The following SUGP1 variants were observed in gnomAD, a reference collection of about 807,000 sequenced individuals.
SUGP1 encodes the protein SURP and G-patch domain-containing protein 1.
In SUGP1, 34 loss-of-function variants were observed where a neutral mutation model predicts 76.5. The ratio of observed to expected loss-of-function variants is 0.44; its 90% CI spans 0.34 to 0.59. SUGP1 has a LOEUF of 0.59. SUGP1 is among the 20% of genes least tolerant of loss of function. The pLI is 0.01. For synonymous variants in SUGP1, 326 were observed against 326.2 expected, an observed-to-expected ratio of 1.00 and a Z score of 0.01; for missense variants, 752 against 851.7, an observed-to-expected ratio of 0.88 and a Z score of 1.46.
intron 8 of SUGP1, among the ~76,000 whole-genome samples, chr19:19,291,614 G>A (rs1253320438): frequency 6.6e-6 from 1 of 152,124 alleles, no homozygotes; most frequent in Non-Finnish European, 1.5e-5. Flanking sequence ...AAGAGGCTGG[G>A]CACGGTGGCT....
chr19:19,313,460 T>C (rs1231864194), intron 2 of SUGP1, among the ~76,000 whole-genome samples: 2 of 152,092 alleles, frequency 1.3e-5, no homozygotes, highest in African/African-American at 2.4e-5. Flanking sequence ...CCTGTAAACC[T>C]AATGCTTTGG....
chr19:19,300,651 C>T (rs1297986621), intron 7 of SUGP1, among the ~76,000 whole-genome samples: 2 of 152,214 alleles, frequency 1.3e-5, no homozygotes, highest in Non-Finnish European at 2.9e-5. Flanking sequence ...CCCCGACCCA[C>T]CCAGTTCTTT....
intron 7 of SUGP1, among the ~76,000 whole-genome samples, chr19:19,298,549 T>A (rs2061246895): frequency 1.3e-5 from 2 of 152,098 alleles, no homozygotes; most frequent in Admixed American, 1.3e-4. Context: ...AGACAGTTTC[T>A]AGGTGAGCCT....
intron 3 of SUGP1, 30 bp downstream of exon 3, chr19:19,310,067 A>G: frequency 6.3e-7 from 1 of 1,578,620 alleles, no homozygotes; most frequent in South Asian, 1.1e-5. Context: ...ATGCAAGGAC[A>G]GCACAAGGAA....
intron 1 of SUGP1, among the ~76,000 whole-genome samples, chr19:19,318,875 A>T (rs2061414535): frequency 2.6e-5 from 4 of 152,224 alleles, no homozygotes; most frequent in Admixed American, 1.3e-4. Context: ...GTATGGAGAC[A>T]GGGAAGACAC....
At chr19:19,290,070 G>A (rs1313154970) in intron 8 of SUGP1, among the ~76,000 whole-genome samples, 1 of 152,152 alleles carries the variant, frequency 6.6e-6, no homozygotes, top group African/African-American at 2.4e-5. Flanking sequence ...CTTCTGCTCT[G>A]CTTCTCTTCT....
intron 8 of SUGP1, among the ~76,000 whole-genome samples, chr19:19,285,031 C>T (rs2061128968): frequency 6.7e-6 from 1 of 149,578 alleles, no homozygotes; most frequent in East Asian, 1.9e-4. Context: ...CCGTGCCTGG[C>T]TAATTTTTTG....
chr19:19,281,964 T>C (rs1328156772), intron 8 of SUGP1, among the ~76,000 whole-genome samples: 2 of 152,108 alleles, frequency 1.3e-5, no homozygotes, highest in Non-Finnish European at 2.9e-5. Context: ...GTGCTTATCG[T>C]TGTCTGTCTC....
intron 3 of SUGP1, 84 bp from the exon 4 acceptor site, chr19:19,306,160 C>A: frequency 3.0e-6 from 4 of 1,335,846 alleles, no homozygotes; most frequent in South Asian, 3.2e-5. Flanking sequence ...GCTGTGGGCC[C>A]CGGGGGAGCT....
rs2061436843 is a variant in SUGP1, at chr19:19,320,473, C to A, written c.24G>T (p.Arg8=). The change falls in exon 1 of 14, where the codon CGG becomes CGT. Residue 8 remains arginine (R), a synonymous_variant. Transcript: ENST00000247001. Reference sequence around the variant, plus strand: ...GGCGGGGGCTGTTACCTGCAACATCCCGGTTGTCCATCTTGAGACTCATCC... The same window carrying A: ...GGCGGGGGCTGTTACCTGCAACATCACGGTTGTCCATCTTGAGACTCATCC... The part of the protein sequence containing the change: MSLKMDN[R]DVAGKANRWF... 6.2e-7 allele frequency: 1 copy of A among 1,610,118 alleles called. No individual in the cohort carries two copies. Among genetic ancestry groups the A allele is most frequent in the South Asian group, 1.1e-5 (1 of 89,772 alleles).
chr19:19,279,256 G>A lies in SUGP1; in HGVS notation c.1485C>T (p.Thr495=). ...CCATGCGCCGCAGCTGGTGCTCCCA[G>A]GTGCCCAGCTCGCTGTCCACCTCCT... The part of the protein sequence containing the change: ...SDEEVDSELG[T]WEHQLRRMEM... The change falls in exon 10 of 14, where the codon ACC becomes ACT. Residue 495 remains threonine (T), a synonymous_variant. Transcript: ENST00000247001. 1 of 1,586,146 alleles carries A rather than the reference G, an allele frequency of 6.3e-7. No homozygotes were observed. Among genetic ancestry groups the A allele is most frequent in the East Asian group, 2.3e-5 (1 of 42,858 alleles).
chr19:19,287,101 C>A (rs981137051), intron 8 of SUGP1, among the ~76,000 whole-genome samples: 4 of 152,068 alleles, frequency 2.6e-5, no homozygotes, highest in African/African-American at 9.7e-5. Flanking sequence ...ATGGTGAAAC[C>A]CTGTCTCTAC....
intron 9 of SUGP1, 25 bp downstream of exon 9, chr19:19,280,160 C>G: frequency 6.2e-7 from 1 of 1,607,660 alleles, no homozygotes; most frequent in East Asian, 2.2e-5. Flanking sequence ...ACCATGTCCC[C>G]GTCCCCTTGT....
chr19:19,298,179 G>C (rs2061243931), intron 7 of SUGP1, among the ~76,000 whole-genome samples: 1 of 151,562 alleles, frequency 6.6e-6, no homozygotes, highest in Non-Finnish European at 1.5e-5. Context: ...GTGAATTAAA[G>C]GGTCAAGGAT....
intron 7 of SUGP1, chr19:19,301,988 G>C (rs942839589): frequency 2.2e-6 from 1 of 450,226 alleles, no homozygotes; most frequent in Admixed American, 3.9e-5. Flanking sequence ...AGGCAACTGG[G>C]CAAGTGCTAG....
At chr19:19,277,423 G>A (rs912947922) in intron 12 of SUGP1, among the ~76,000 whole-genome samples, 13 of 152,112 alleles carry the variant, frequency 8.5e-5, no homozygotes, top group African/African-American at 2.9e-4. Context: ...GAGTGGTTTC[G>A]CACTCATGGG....
intron 8 of SUGP1, among the ~76,000 whole-genome samples, chr19:19,288,151 T>C (rs1444831699): frequency 2.0e-5 from 3 of 152,090 alleles, no homozygotes; most frequent in South Asian, 2.1e-4. Context: ...AGTGAAACTG[T>C]CTCAAAAATA....
chr19:19,300,933 A>G (rs1212384902), intron 7 of SUGP1, among the ~76,000 whole-genome samples: 2 of 152,192 alleles, frequency 1.3e-5, no homozygotes, highest in Non-Finnish European at 2.9e-5. Context: ...CCTCTGACCA[A>G]GCAGAGCCAC....
At chr19:19,319,244 T>C (rs1397402569) in intron 1 of SUGP1, among the ~76,000 whole-genome samples, 1 of 151,754 alleles carries the variant, frequency 6.6e-6, no homozygotes, top group Non-Finnish European at 1.5e-5. Flanking sequence ...AAAAGAATTC[T>C]AAAAGGCCAT....
Sources: allele counts gnomAD v4.1 joint callset (sites outside exome capture counted in the v4.1 genomes callset), GRCh38; gene constraint gnomAD v4.1.1; transcripts MANE v1.5; gene names NCBI Gene and HGNC (gene_info 2026-07-23, HGNC 2026-07-21).